Variants in ADAMTS2 observed in about 807,000 individuals in gnomAD.
ADAMTS2 encodes the protein ADAM metallopeptidase with thrombospondin type 1 motif 2.
A neutral mutation model predicts 123.0 loss-of-function variants in ADAMTS2; 50 were observed. That is an observed-to-expected ratio of 0.41 (90% CI 0.32 to 0.51). The LOEUF (loss-of-function observed/expected upper bound fraction) is 0.51. Ranked by LOEUF, ADAMTS2 falls within the 20% of genes least tolerant of loss-of-function variation. ADAMTS2 has a pLI of 0.35. For missense variants in ADAMTS2, 1,494 were observed against 1,705.2 expected (o/e 0.88, Z 2.18); for synonymous variants, 678 against 695.4 (o/e 0.98, Z 0.39).
At chr5:179,135,875 C>A (rs370637996) in intron 13 of ADAMTS2, 34 bp downstream of exon 13, 1 of 1,612,188 alleles carries the variant, frequency 6.2e-7, no homozygotes, top group Non-Finnish European at 8.5e-7. Flanking sequence ...AGACTTGACA[C>A]GGTAGCCCCC....
At chr5:179,198,269 T>A (rs753685121) in intron 4 of ADAMTS2, among the ~76,000 whole-genome samples, 1 of 152,074 alleles carries the variant, frequency 6.6e-6, no homozygotes, top group African/African-American at 2.4e-5. Flanking sequence ...AGGAGCAGAA[T>A]GAAGGCAGAG....
Position 179,132,293 on chromosome 5 carries a change from C to G in ADAMTS2, c.2227G>C (p.Glu743Gln). Residue 743 changes from glutamate (E) to glutamine (Q), a missense_variant, in exon 15 of 22, where the codon GAG becomes CAG. Transcript: ENST00000251582. The surrounding 1 kb of genome is among the most constrained non-coding windows in gnomAD (Gnocchi z 6.1). ...PKKHGYIKMF[E>Q]IPAGARHLLI... ...AGGTGTCTGGCTCCTGCAGGGATCT[C>G]AAACATCTTGATGTAACCTTTTTTT... The G allele has an allele frequency of 6.2e-7, 1 of 1,614,160 alleles. No individual in the cohort carries two copies. Among genetic ancestry groups the G allele is most frequent in the East Asian group, 2.2e-5 (1 of 44,868 alleles).
chr5:179,311,790 G>T (rs1285091429), intron 2 of ADAMTS2, among the ~76,000 whole-genome samples: 1 of 151,860 alleles, frequency 6.6e-6, no homozygotes, highest in Non-Finnish European at 1.5e-5. Flanking sequence ...CCCCCCACTC[G>T]CCCGTGCTGT....
intron 2 of ADAMTS2, among the ~76,000 whole-genome samples, chr5:179,275,929 G>T (rs1766682734): frequency 1.3e-5 from 2 of 152,248 alleles, no homozygotes; most frequent in Non-Finnish European, 2.9e-5. Flanking sequence ...AAGGGGCGCA[G>T]GACCCTCTGG....
Position 179,130,035 on chromosome 5 carries a change from G to T in ADAMTS2, c.2354C>A (p.Ser785Tyr). The T allele has an allele frequency of 6.2e-7, 1 of 1,614,140 alleles. No homozygotes were observed. The highest frequency in any genetic ancestry group is 8.5e-7 in the Non-Finnish European group (1 of 1,180,032). Residue 785 changes from serine (S) to tyrosine (Y), a missense_variant, in exon 16 of 22, where the codon TCC becomes TAC. Ser to Tyr is a moderately radical substitution (Grantham distance 144). Coordinates refer to ENST00000251582, the MANE Select transcript of ADAMTS2 (RefSeq NM_014244.5). This position sits in a 1 kb window ranked among gnomAD's most constrained non-coding sequence, Gnocchi z 4.3. ...LNEENDVDAS[S>Y]KTFIAMGVEW... Reference sequence around the variant, plus strand: ...CACGCCCATGGCAATGAAGGTTTTGGAACTGGCATCCACGTCATTCTCTTC... The same window carrying T: ...CACGCCCATGGCAATGAAGGTTTTGTAACTGGCATCCACGTCATTCTCTTC...
rs542351989 is a variant in ADAMTS2 at position 179,162,286 on chromosome 5, C to G, written c.976-3407G>C. On this transcript the variant is annotated intron_variant, in intron 5 of 21. Coordinates refer to ENST00000251582, the MANE Select transcript of ADAMTS2 (RefSeq NM_014244.5). The surrounding 1 kb of genome is among the most constrained non-coding windows in gnomAD (Gnocchi z 5.1). ...GCAGGCCTGGCCAATCCCAGCACCA[C>G]GCCTTCCTGGCCACCATGAAGGATC... 6.6e-6 allele frequency among the ~76,000 whole-genome samples: 1 copy of G among 151,910 alleles called. No individual in the cohort carries two copies. The highest frequency in any genetic ancestry group is 2.4e-5 in the African/African-American group (1 of 41,168).
chr5:179,156,961 CTT>C (rs70997667), intron 6 of ADAMTS2, among the ~76,000 whole-genome samples: 6 of 108,376 alleles, frequency 5.5e-5, no homozygotes, highest in East Asian at 2.8e-4. Flanking sequence ...TTCATTTTTT[CTT>C]TTTTTTTTTT....
rs201020496 is a variant in ADAMTS2, at chr5:179,293,924, GGTTTTTTT to G, written c.535-20868_535-20861del. Among the ~76,000 whole-genome samples the G allele has an allele frequency of 3.7e-4, 57 of 152,092 alleles. No individual in the cohort carries two copies. In the East Asian group the frequency reaches 5.6e-3, roughly 15 times the overall value. On this transcript the variant is annotated intron_variant, in intron 2 of 21. Transcript: ENST00000251582. ...GGTGTGAGCCACCGCACCTGGCCAA[GGTTTTTTT>G]GTTTTTTTGTTTTTTTGTTTTAAGG...
chr5:179,136,769 G>A (rs965714928), intron 12 of ADAMTS2, among the ~76,000 whole-genome samples: 36 of 151,340 alleles, frequency 2.4e-4, no homozygotes, highest in South Asian at 2.1e-4. Context: ...AGGAGATGGA[G>A]ACCATCCTGG....
chr5:179,115,158 C>T lies in ADAMTS2; in HGVS notation c.3179-834G>A, dbSNP rs1762637569. On this transcript the variant is annotated intron_variant, in intron 21 of 21. Transcript: ENST00000251582. The surrounding 1 kb of genome is among the most constrained non-coding windows in gnomAD (Gnocchi z 4.4). ...CTGTGGTCCAGCTTACATGGAGAGC[C>T]CCGACTCTCCACAGAAGCCACCATT... Among the ~76,000 whole-genome samples the T allele has an allele frequency of 6.6e-6, 1 of 152,146 alleles. No homozygotes were observed. The highest frequency in any genetic ancestry group is 1.5e-5 in the Non-Finnish European group (1 of 68,036).
chr5:179,315,075 C>T (rs956005753), intron 2 of ADAMTS2, among the ~76,000 whole-genome samples: 1 of 151,370 alleles, frequency 6.6e-6, no homozygotes, highest in African/African-American at 2.4e-5. Flanking sequence ...CCCCGGCCTC[C>T]TCCTCCCCCT....
chr5:179,342,983 G>T (rs562484551), intron 2 of ADAMTS2, among the ~76,000 whole-genome samples: 15 of 152,314 alleles, frequency 9.8e-5, no homozygotes, highest in Admixed American at 2.0e-4. Context: ...TTGTCCTTCA[G>T]GCGCTGCCCC....
chr5:179,277,140 A>T (rs1766720780), intron 2 of ADAMTS2, among the ~76,000 whole-genome samples: 1 of 152,164 alleles, frequency 6.6e-6, no homozygotes, highest in Admixed American at 6.5e-5. Context: ...GTCCATCTGA[A>T]GCAGGGCCTG....
intron 2 of ADAMTS2, among the ~76,000 whole-genome samples, chr5:179,329,761 T>C (rs1757430369): frequency 6.6e-6 from 1 of 152,132 alleles, no homozygotes; most frequent in African/African-American, 2.4e-5. Context: ...AGAGGGTTAA[T>C]GACTAGCCCC....
At chr5:179,318,382 G>A (rs1757059687) in intron 2 of ADAMTS2, among the ~76,000 whole-genome samples, 1 of 151,864 alleles carries the variant, frequency 6.6e-6, no homozygotes, top group African/African-American at 2.4e-5. Flanking sequence ...GGAGAGGCGG[G>A]GCCAGCTAGA....
At position 179,207,583 on chromosome 5, in the gene ADAMTS2, A is replaced by C. The variant is rs1373325794; in HGVS notation, c.821T>G (p.Val274Gly). Reference protein sequence around the residue: ...DDYNIEVLLGVDDSVVQFHGK... With the variant: ...DDYNIEVLLGGDDSVVQFHGK... ...GTGGAACTGCACCACAGAGTCATCC[A>C]CGCCCAGCAGGACCTCGATGTTGTA... The change falls in exon 4 of 22, where the codon GTG (valine) becomes GGG (glycine). Residue 274 changes from valine (V) to glycine (G), a missense_variant. Coordinates refer to ENST00000251582, the MANE Select transcript of ADAMTS2 (RefSeq NM_014244.5). 1 of 1,612,652 alleles carries C rather than the reference A, an allele frequency of 6.2e-7. No individual in the cohort carries two copies. Among genetic ancestry groups the C allele is most frequent in the African/African-American group, 1.3e-5 (1 of 74,506 alleles).
chr5:179,278,190 C>T (rs558020413), intron 2 of ADAMTS2, among the ~76,000 whole-genome samples: 4 of 143,228 alleles, frequency 2.8e-5, no homozygotes, highest in African/African-American at 7.8e-5. Context: ...AGGCTGACCC[C>T]CCCAAGACCA....
chr5:179,238,346 C>T (rs1324434326), intron 3 of ADAMTS2, among the ~76,000 whole-genome samples: 3 of 152,252 alleles, frequency 2.0e-5, no homozygotes, highest in East Asian at 1.9e-4. Context: ...CCTGGGAGAC[C>T]GTGGGAGTCA....
chr5:179,136,823 A>G (rs932163603), intron 12 of ADAMTS2, among the ~76,000 whole-genome samples: 3 of 152,030 alleles, frequency 2.0e-5, no homozygotes, highest in African/African-American at 7.3e-5. Context: ...GCAAAAATTT[A>G]GCCGGGTGTG....
Sources: gnomAD v4.1 joint callset for allele counts (sites outside exome capture counted in the v4.1 genomes callset) on GRCh38, gnomAD v4.1.1 for gene constraint, Gnocchi (gnomAD v3.1) non-coding constraint, MANE v1.5 for transcripts, NCBI Gene and HGNC (gene_info 2026-07-23, HGNC 2026-07-21) for gene names.